Variants in COL25A1 observed in about 807,000 individuals in gnomAD.
COL25A1 encodes the protein collagen type XXV alpha 1 chain, also known as collagen alpha-1(XXV) chain.
A neutral mutation model predicts 128.4 loss-of-function variants in COL25A1; 103 were observed. That is an observed-to-expected ratio of 0.80 (90% CI 0.68 to 0.94). The LOEUF (loss-of-function observed/expected upper bound fraction) is 0.94. COL25A1 is among the 40% of genes least tolerant of loss of function. The probability of loss-of-function intolerance (pLI) is 0.00; values close to 1 mark genes in which losing one functional copy is unlikely to be tolerated. For synonymous variants in COL25A1, 279 were observed against 277.2 expected (o/e 1.01, Z -0.06); for missense variants, 745 against 840.0 (o/e 0.89, Z 1.40).
At chr4:108,919,597 G>A (rs943521632) in intron 12 of COL25A1, among the ~76,000 whole-genome samples, 2 of 151,906 alleles carry the variant, frequency 1.3e-5, no homozygotes, top group Admixed American at 6.6e-5. Context: ...TTAGTTTTCC[G>A]TGGGTTAAAT....
chr4:109,066,945 A>G (rs1359648208), intron 3 of COL25A1, among the ~76,000 whole-genome samples: 1 of 152,232 alleles, frequency 6.6e-6, no homozygotes, highest in African/African-American at 2.4e-5. Flanking sequence ...TGCTGAGATT[A>G]CAGGTGTGAG....
chr4:109,034,712 T>C (rs1304917317), intron 5 of COL25A1, among the ~76,000 whole-genome samples: 1 of 152,244 alleles, frequency 6.6e-6, no homozygotes, highest in East Asian at 1.9e-4. Flanking sequence ...AAGATTCTTT[T>C]TATCTACTTA....
At chr4:108,862,192 T>C (rs1044620817) in intron 22 of COL25A1, among the ~76,000 whole-genome samples, 15 of 152,166 alleles carry the variant, frequency 9.9e-5, no homozygotes, top group African/African-American at 3.6e-4. Context: ...AATTAGATTA[T>C]ACAATACACA....
chr4:109,042,301 T>C (rs1415039946), intron 5 of COL25A1, among the ~76,000 whole-genome samples: 2 of 152,132 alleles, frequency 1.3e-5, no homozygotes, highest in African/African-American at 4.8e-5. Flanking sequence ...ATCTATTCTA[T>C]GTACACATTC....
chr4:108,942,029 G>A (rs1328851531), intron 8 of COL25A1, among the ~76,000 whole-genome samples: 1 of 152,150 alleles, frequency 6.6e-6, no homozygotes, highest in African/African-American at 2.4e-5. Flanking sequence ...AGTATGCTCA[G>A]GATACACCCT....
intron 3 of COL25A1, among the ~76,000 whole-genome samples, chr4:109,123,477 G>A (rs886959121): frequency 1.3e-5 from 2 of 151,534 alleles, no homozygotes; most frequent in African/African-American, 4.8e-5. Context: ...TGAGCTAAAG[G>A]GATAAATAAA....
chr4:108,906,815 A>G (rs35310070), intron 13 of COL25A1, among the ~76,000 whole-genome samples: 1 of 152,136 alleles, frequency 6.6e-6, no homozygotes, highest in African/African-American at 2.4e-5. Context: ...CACAGTGCCT[A>G]TTAAAACCAC....
In COL25A1 at chr4:108,979,964, C is replaced by T. The variant is rs192747321; in HGVS notation, c.439-5405G>A. ...CGATGGAAGATGGAGGGAGGAGGAG[C>T]GAAGCAGGCCCGGGGGGAAGGGATG... On this transcript the variant is annotated intron_variant, in intron 6 of 37. Transcript: ENST00000399132. Among the ~76,000 whole-genome samples, 48 of 152,094 alleles carry T rather than the reference C, an allele frequency of 3.2e-4. No individual in the cohort carries two copies. The East Asian group carries it at 4.8e-3, about 15-fold the overall frequency.
intron 3 of COL25A1, among the ~76,000 whole-genome samples, chr4:109,176,017 T>C (rs1452695835): frequency 1.3e-5 from 2 of 152,210 alleles, no homozygotes; most frequent in Non-Finnish European, 1.5e-5. Context: ...AAAGTTCTAA[T>C]TGCCATACCG....
rs73838570 is a variant in COL25A1, at chr4:109,298,515, T to C, written c.367+2068A>G. 3.2e-3 allele frequency among the ~76,000 whole-genome samples: 488 copies of C among 152,326 alleles called. 6 individuals are homozygous for C. Among genetic ancestry groups the C allele is most frequent in the African/African-American group, 0.011 (460 of 41,580 alleles). The stretch of plus-strand genomic sequence containing the variant: ...CAAACAGATGTCTAGGTGACAACTC[T>C]TAGTCACTGCAAACCAGGGCTAGAG... On this transcript the variant is annotated intron_variant, in intron 3 of 37. Transcript: ENST00000399132.
chr4:109,301,874 C>A lies in COL25A1; in HGVS notation c.146G>T (p.Cys49Phe). 1 of 1,614,206 alleles carries A rather than the reference C, an allele frequency of 6.2e-7. No individual in the cohort carries two copies. Among genetic ancestry groups the A allele is most frequent in the Non-Finnish European group, 8.5e-7 (1 of 1,180,042 alleles). ...GTTGGTTTTCACACCCAGGTACAGG[C>A]AAGACACCACGGCCACCACTGACAG... ...ALLSVVAVVS[C>F]LYLGVKTNDL... Residue 49 changes from cysteine to phenylalanine, a missense_variant, in exon 2 of 38, where the codon TGC becomes TTC. Cys to Phe is a radical substitution (Grantham distance 205). Coordinates refer to ENST00000399132, the MANE Select transcript of COL25A1 (RefSeq NM_198721.4).
chr4:109,019,399 T>TATATATATATAG (rs1359236905), intron 5 of COL25A1, among the ~76,000 whole-genome samples: 1 of 142,770 alleles, frequency 7.0e-6, no homozygotes, highest in Non-Finnish European at 1.6e-5. Flanking sequence ...TATATATATA[T>TATATATATATAG]TTATATGTGT....
chr4:108,954,825 T>C (rs551155690), intron 8 of COL25A1, among the ~76,000 whole-genome samples: 2 of 152,122 alleles, frequency 1.3e-5, no homozygotes, highest in East Asian at 3.9e-4. Context: ...AAAAAGGGAA[T>C]GACAATGCTC....
rs114483788 is a variant in COL25A1 at position 108,822,878 on chromosome 4, T to C, written c.1845+1296A>G. On this transcript the variant is annotated intron_variant, in intron 35 of 37. Transcript: ENST00000399132. ...CTTGTTTGTGAAGTGGGGAAAATAA[T>C]GCCAACTTCGGGGGTTGTTATGAGG... Among the ~76,000 whole-genome samples, 657 of 152,328 alleles carry C rather than the reference T, an allele frequency of 4.3e-3. 9 individuals are homozygous for C. Among genetic ancestry groups the C allele is most frequent in the African/African-American group, 0.015 (621 of 41,578 alleles).
At chr4:109,177,908 G>C (rs191503185) in intron 3 of COL25A1, among the ~76,000 whole-genome samples, 44 of 152,336 alleles carry the variant, frequency 2.9e-4, no homozygotes, top group African/African-American at 1.0e-3. Context: ...CAAAAGAGCA[G>C]AGAGACATGT....
At chr4:109,154,144 T>G (rs1024975978) in intron 3 of COL25A1, among the ~76,000 whole-genome samples, 8 of 152,236 alleles carry the variant, frequency 5.3e-5, no homozygotes, top group African/African-American at 1.9e-4. Flanking sequence ...TTTATGATTA[T>G]CATCTTTATG....
chr4:108,843,696 G>A (rs898182977), intron 30 of COL25A1, among the ~76,000 whole-genome samples: 3 of 152,092 alleles, frequency 2.0e-5, no homozygotes, highest in African/African-American at 7.2e-5. Context: ...TATGTTATCT[G>A]AGGAAGTAAG....
intron 3 of COL25A1, among the ~76,000 whole-genome samples, chr4:109,275,479 T>C (rs558192218): frequency 2.0e-5 from 3 of 152,270 alleles, no homozygotes; most frequent in African/African-American, 7.2e-5. Context: ...TGTCCCAGCA[T>C]AAAGTGACAC....
chr4:109,128,316 G>A (rs1038733548), intron 3 of COL25A1, among the ~76,000 whole-genome samples: 2 of 152,144 alleles, frequency 1.3e-5, no homozygotes, highest in Non-Finnish European at 2.9e-5. Flanking sequence ...TTCCAGAGGA[G>A]CCTGGAAGAG....
Sources: gnomAD v4.1 joint callset for allele counts (sites outside exome capture counted in the v4.1 genomes callset) on GRCh38, gnomAD v4.1.1 for gene constraint, MANE v1.5 for transcripts, NCBI Gene and HGNC (gene_info 2026-07-23, HGNC 2026-07-21) for gene names.